PKHD1: variants seen among roughly 807,000 people sequenced by gnomAD.
The protein encoded by PKHD1 is fibrocystin.
A neutral mutation model predicts 412.0 loss-of-function variants in PKHD1; 291 were observed. That is an observed-to-expected ratio of 0.71 (90% CI 0.64 to 0.78). The LOEUF (loss-of-function observed/expected upper bound fraction) is 0.78, where lower values mean the gene tolerates loss of function less well. Ranked by LOEUF, PKHD1 falls within the 30% of genes least tolerant of loss-of-function variation. The pLI is 0.00. For missense variants in PKHD1, 4,825 were observed against 4,950.7 expected, an observed-to-expected ratio of 0.97 and a Z score of 0.76; for synonymous variants, 1,777 against 1,821.5, an observed-to-expected ratio of 0.98 and a Z score of 0.62.
At chr6:51,906,145 G>A (rs1256914749) in intron 41 of PKHD1, 70 bp downstream of exon 41, 2 of 1,286,980 alleles carry the variant, frequency 1.6e-6, no homozygotes, top group African/African-American at 1.5e-5. Context: ...TAGAAATTTG[G>A]GGAGAATTCA....
intron 55 of PKHD1, among the ~76,000 whole-genome samples, chr6:51,771,154 T>C (rs567973122): frequency 1.3e-5 from 2 of 152,052 alleles, no homozygotes; most frequent in African/African-American, 4.8e-5. Context: ...TATATTAATA[T>C]TTACTATACC....
chr6:51,974,895 C>T (rs2128000582), intron 35 of PKHD1, among the ~76,000 whole-genome samples: 1 of 152,122 alleles, frequency 6.6e-6, no homozygotes, highest in Non-Finnish European at 1.5e-5. Flanking sequence ...GAGATTAGGA[C>T]ACAGATACAG....
chr6:51,890,546 G>GAA (rs76785636), intron 43 of PKHD1, among the ~76,000 whole-genome samples: 4 of 139,008 alleles, frequency 2.9e-5, no homozygotes, highest in South Asian at 2.3e-4. Flanking sequence ...ATAGTCACCA[G>GAA]AAAAAAAAAA....
chr6:51,659,287 G>C lies in PKHD1; in HGVS notation c.10839C>G (p.Asp3613Glu). The part of the protein sequence containing the change: ...GHEETLKAIA[D>E]SRAKRKRNCP... The stretch of plus-strand genomic sequence containing the variant: ...AATTGCGCTTTCTTTTTGCTCTACT[G>C]TCAGCAATGGCCTTTAAGGTCTCTT... Residue 3613 changes from aspartate to glutamate, a missense_variant, in exon 61 of 67, where the codon GAC (aspartate) becomes GAG (glutamate). Transcript: ENST00000371117. The C allele has an allele frequency of 1.2e-6, 2 of 1,613,854 alleles. No individual in the cohort carries two copies. The highest frequency in any genetic ancestry group is 1.7e-6 in the Non-Finnish European group (2 of 1,179,868).
chr6:51,758,695 T>C (rs1173158732), intron 55 of PKHD1, among the ~76,000 whole-genome samples: 2 of 152,170 alleles, frequency 1.3e-5, no homozygotes, highest in African/African-American at 4.8e-5. Flanking sequence ...GAATAATCAC[T>C]GTGGAAGTCT....
chr6:51,668,420 G>A (rs953750490), intron 60 of PKHD1, among the ~76,000 whole-genome samples: 13 of 152,190 alleles, frequency 8.5e-5, no homozygotes, highest in African/African-American at 2.9e-4. Context: ...TGCTGAATTT[G>A]CTTATCAGCT....
chr6:52,032,378 C>T (rs578185221), intron 29 of PKHD1, among the ~76,000 whole-genome samples: 1 of 152,198 alleles, frequency 6.6e-6, no homozygotes, highest in South Asian at 2.1e-4. Flanking sequence ...ATAATTCTAC[C>T]TTGCCATATC....
At position 51,904,004 on chromosome 6, in the gene PKHD1, T is replaced by C. The variant is rs1554299441; in HGVS notation, c.6847A>G (p.Ile2283Val). The C allele has an allele frequency of 1.9e-6, 3 of 1,588,736 alleles. No individual in the cohort carries two copies. In the South Asian group the frequency reaches 3.3e-5, roughly 18 times the overall value. ...TATTTACCATCTTTCCTTCCATGAATTGCCTCCCAGGAGATATATCTCATC... is the reference window on the plus strand; with the variant it reads ...TATTTACCATCTTTCCTTCCATGAACTGCCTCCCAGGAGATATATCTCATC... ...TEMRYISWEA[I>V]HGRKDDWSGH... Residue 2283 changes from isoleucine to valine, a missense_variant, in exon 42 of 67, where the codon ATT becomes GTT. Ile to Val is a conservative substitution (Grantham distance 29). Transcript: ENST00000371117.
At chr6:51,665,615 G>A (rs1280019627) in intron 60 of PKHD1, among the ~76,000 whole-genome samples, 1 of 152,016 alleles carries the variant, frequency 6.6e-6, no homozygotes, top group African/African-American at 2.4e-5. Context: ...TAATGTTATT[G>A]GAATAAACCA....
chr6:51,723,023 C>G (rs1782120063), intron 60 of PKHD1, among the ~76,000 whole-genome samples: 1 of 152,140 alleles, frequency 6.6e-6, no homozygotes, highest in Admixed American at 6.6e-5. Flanking sequence ...ACTTACTTCA[C>G]TAATTACTCA....
intron 66 of PKHD1, among the ~76,000 whole-genome samples, chr6:51,620,787 C>CATATATATAT (rs534708807): frequency 1.4e-5 from 2 of 146,834 alleles, no homozygotes; most frequent in African/African-American, 5.0e-5. Flanking sequence ...ATTATATATA[C>CATATATATAT]ATATATATAT....
At chr6:51,941,163 A>T (rs1788459356) in intron 36 of PKHD1, among the ~76,000 whole-genome samples, 1 of 148,400 alleles carries the variant, frequency 6.7e-6, no homozygotes, top group South Asian at 2.1e-4. Flanking sequence ...ACCCCACTCA[A>T]TGCCAATATC....
At chr6:51,838,388 G>A (rs1582964275) in intron 50 of PKHD1, among the ~76,000 whole-genome samples, 1 of 152,218 alleles carries the variant, frequency 6.6e-6, no homozygotes, top group African/African-American at 2.4e-5. Context: ...AATGGCTTCT[G>A]GACTGAGTGG....
intron 52 of PKHD1, among the ~76,000 whole-genome samples, chr6:51,811,307 G>A (rs1479898554): frequency 1.3e-5 from 2 of 152,050 alleles, no homozygotes; most frequent in African/African-American, 2.4e-5. Flanking sequence ...AAATATTTTT[G>A]TCATTGTATT....
intron 53 of PKHD1, among the ~76,000 whole-genome samples, chr6:51,788,051 A>C (rs775240678): frequency 1.1e-4 from 17 of 152,180 alleles, no homozygotes; most frequent in Non-Finnish European, 2.2e-4. Context: ...GTGTAGAAAG[A>C]TGAACTGAAA....
At chr6:51,723,548 G>C (rs1397672364) in intron 60 of PKHD1, among the ~76,000 whole-genome samples, 4 of 151,966 alleles carry the variant, frequency 2.6e-5, no homozygotes, top group Admixed American at 2.6e-4. Flanking sequence ...AAGAAAGCTG[G>C]GAAAATGAAT....
rs60287687 is a variant in PKHD1, at chr6:51,999,850, A to G, written c.5751+10459T>C. On this transcript the variant is annotated intron_variant, in intron 35 of 66. Transcript: ENST00000371117. ...ACATATCCAAACACTGATGAAATTC[A>G]TATTACTCCTTACTCAACACAAATA... Among the ~76,000 whole-genome samples, 1,211 of 152,294 alleles carry G rather than the reference A, an allele frequency of 8.0e-3. 19 individuals are homozygous for G. The highest frequency in any genetic ancestry group is 0.028 in the African/African-American group (1,161 of 41,566).
In PKHD1 at chr6:52,000,036, TAC is replaced by T. The variant is rs373652285; in HGVS notation, c.5751+10271_5751+10272del. Among the ~76,000 whole-genome samples the T allele has an allele frequency of 3.4e-4, 52 of 152,354 alleles. No individual in the cohort carries two copies. The South Asian group carries it at 0.011, about 31-fold the overall frequency. ...AGGCTTCAGGGAGATGGTAGTTTAC[TAC>T]TATGCATTCAAGAAATGGACCTGTG... is the stretch of plus-strand genomic sequence containing the variant. On this transcript the variant is annotated intron_variant, in intron 35 of 66. Coordinates refer to ENST00000371117, the MANE Select transcript of PKHD1 (RefSeq NM_138694.4).
chr6:52,079,245 A>G (rs1477266712), intron 5 of PKHD1, among the ~76,000 whole-genome samples: 1 of 152,180 alleles, frequency 6.6e-6, no homozygotes, highest in Non-Finnish European at 1.5e-5. Flanking sequence ...AAGGCTGTAA[A>G]ATAAGTCAGG....
Sources: gnomAD v4.1 joint callset for allele counts (sites outside exome capture counted in the v4.1 genomes callset) on GRCh38, gnomAD v4.1.1 for gene constraint, MANE v1.5 for transcripts, NCBI Gene and HGNC (gene_info 2026-07-23, HGNC 2026-07-21) for gene names.